RGS6: variants seen among roughly 807,000 people sequenced by gnomAD.
RGS6 encodes regulator of G-protein signaling 6.
A neutral mutation model predicts 78.5 loss-of-function variants in RGS6; 30 were observed. That is an observed-to-expected ratio of 0.38 (90% CI 0.29 to 0.52). RGS6 has a LOEUF of 0.52. RGS6 is among the 20% of genes least tolerant of loss of function. The pLI is 0.85. For synonymous variants in RGS6, 206 were observed against 206.0 expected (o/e 1.00, Z 0.00); for missense variants, 495 against 609.7 (o/e 0.81, Z 1.98).
chr14:72,021,374 A>G (rs17105827), intron 2 of RGS6, among the ~76,000 whole-genome samples: 4,477 of 151,606 alleles, frequency 0.03, 92 homozygotes, highest in Middle Eastern at 0.059. Context: ...GTAAGCCATC[A>G]TTTGAGTGCT....
intron 3 of RGS6, among the ~76,000 whole-genome samples, chr14:72,411,903 C>T (rs2093441902): frequency 6.6e-6 from 1 of 152,142 alleles, no homozygotes; most frequent in Non-Finnish European, 1.5e-5. Flanking sequence ...AGCCTTGCCT[C>T]CCAGGGATGA....
intron 2 of RGS6, among the ~76,000 whole-genome samples, chr14:72,223,339 C>T (rs2047336489): frequency 6.6e-6 from 1 of 152,216 alleles, no homozygotes; most frequent in South Asian, 2.1e-4. Context: ...GGCGACGTAG[C>T]ATTGAGGTTC....
rs138094592 is a variant in RGS6 at position 72,433,552 on chromosome 14, A to G, written c.185-20976A>G. On this transcript the variant is annotated intron_variant, in intron 3 of 17. Transcript: ENST00000553525. ...CCAGAAAGTCAAGAAAAGCCTAACT[A>G]AAAAAGTCTTTTTAGGCAAGAGAGC... Among the ~76,000 whole-genome samples, 623 of 152,264 alleles carry G rather than the reference A, an allele frequency of 4.1e-3. 3 individuals carry two copies. Among genetic ancestry groups the G allele is most frequent in the African/African-American group, 0.014 (590 of 41,546 alleles).
At chr14:72,166,018 A>G (rs1276623908) in intron 2 of RGS6, among the ~76,000 whole-genome samples, 1 of 150,480 alleles carries the variant, frequency 6.6e-6, no homozygotes, top group Non-Finnish European at 1.5e-5. Context: ...AATTGATAAT[A>G]TGTATCTGAA....
chr14:72,237,263 C>G (rs1276212998), intron 2 of RGS6, among the ~76,000 whole-genome samples: 1 of 152,152 alleles, frequency 6.6e-6, no homozygotes, highest in Non-Finnish European at 1.5e-5. Context: ...CGATGGTCAC[C>G]TGCGCTGTTT....
At chr14:72,141,309 T>A (rs1186254746) in intron 2 of RGS6, among the ~76,000 whole-genome samples, 2 of 152,146 alleles carry the variant, frequency 1.3e-5, no homozygotes, top group Non-Finnish European at 2.9e-5. Flanking sequence ...AGAACTCCAA[T>A]CTTCATGCAG....
chr14:72,132,928 C>T (rs964962950), intron 2 of RGS6, among the ~76,000 whole-genome samples: 2 of 152,004 alleles, frequency 1.3e-5, no homozygotes, highest in African/African-American at 2.4e-5. Context: ...CATTTGGCAT[C>T]AGACTAAAGG....
intron 2 of RGS6, among the ~76,000 whole-genome samples, chr14:71,994,191 G>T (rs1318556196): frequency 6.6e-6 from 1 of 151,730 alleles, no homozygotes; most frequent in African/African-American, 2.4e-5. Context: ...GTCTACTTGG[G>T]GTGTCTTTGA....
At chr14:72,603,985 A>C in the RGS6 span, among the ~76,000 whole-genome samples, 1 of 152,196 alleles carries the variant, frequency 6.6e-6, no homozygotes, top group Non-Finnish European at 1.5e-5. Flanking sequence ...AGAGGATGGG[A>C]GAGAGAGTAA....
intron 2 of RGS6, among the ~76,000 whole-genome samples, chr14:72,313,946 A>G (rs2069334573): frequency 6.6e-6 from 1 of 152,204 alleles, no homozygotes; most frequent in African/African-American, 2.4e-5. Context: ...ACTTTCACTA[A>G]ATCAACCAAC....
At chr14:72,313,207 C>G (rs1033336107) in intron 2 of RGS6, among the ~76,000 whole-genome samples, 1 of 152,210 alleles carries the variant, frequency 6.6e-6, no homozygotes, top group African/African-American at 2.4e-5. Flanking sequence ...ATGCTACAGT[C>G]AGGAGATGCT....
intron 3 of RGS6, among the ~76,000 whole-genome samples, chr14:72,417,212 A>G (rs2093879023): frequency 6.6e-6 from 1 of 152,234 alleles, no homozygotes. Flanking sequence ...CTATGAAAAA[A>G]TGAGAAAGAT....
At chr14:72,367,876 AT>A (rs1177335479) in intron 3 of RGS6, among the ~76,000 whole-genome samples, 1 of 152,204 alleles carries the variant, frequency 6.6e-6, no homozygotes. Flanking sequence ...ATAGGTTTGG[AT>A]TAAATGATAT....
chr14:72,266,104 C>T (rs2059027669), intron 2 of RGS6, among the ~76,000 whole-genome samples: 1 of 152,184 alleles, frequency 6.6e-6, no homozygotes, highest in Admixed American at 6.5e-5. Context: ...CAGCCGGACT[C>T]AGCTGGGAAA....
chr14:72,597,350 G>A, the RGS6 span, among the ~76,000 whole-genome samples: 64,215 of 152,148 alleles, frequency 0.42, 14,634 homozygotes, highest in East Asian at 0.75. Flanking sequence ...CATCTGGCTC[G>A]TTGTAAAGGC....
rs544868566 is a variant in RGS6, at chr14:72,564,582, C to G, written c.*2115C>G. The G allele has an allele frequency of 2.6e-5, 4 of 152,402 alleles. No individual in the cohort carries two copies. The East Asian group carries it at 7.7e-4, about 29-fold the overall frequency. The allele number at this position is 152,402 out of a possible 1,614,324, so 9.4% of individuals were successfully genotyped here. On this transcript the variant is annotated 3_prime_UTR_variant, in exon 18 of 18. Transcript: ENST00000553525. ...AAAGGGTGTTCCCAAGCAGCAGGCA[C>G]CTCAGTGCCCTCAGTTATCCAGGGC...
rs143720961 is a variant in RGS6 at position 72,282,225 on chromosome 14, C to T, written c.85-69870C>T. Among the ~76,000 whole-genome samples the T allele has an allele frequency of 2.2e-3, 337 of 152,210 alleles. 4 individuals are homozygous for T. The highest frequency in any genetic ancestry group is 0.013 in the Admixed American group (194 of 15,288). ...TGGATGTGATGGCTGTTTGGTCCTG[C>T]GAGTCACTTTTCTCTATCAAATATA... On this transcript the variant is annotated intron_variant, in intron 2 of 17. Coordinates refer to ENST00000553525, the MANE Select transcript of RGS6 (RefSeq NM_001204424.2).
At chr14:72,303,406 CAGG>C (rs1258296045) in intron 2 of RGS6, among the ~76,000 whole-genome samples, 1 of 152,158 alleles carries the variant, frequency 6.6e-6, no homozygotes, top group Non-Finnish European at 1.5e-5. Flanking sequence ...GAGGCTGAGG[CAGG>C]AGAATTGCTT....
chr14:72,047,898 GT>G (rs869098348), intron 2 of RGS6, among the ~76,000 whole-genome samples: 23 of 29,666 alleles, frequency 7.8e-4, no homozygotes, highest in South Asian at 5.8e-3. Flanking sequence ...GCTAATTTTT[GT>G]TTTTTTTTTT....
Sources: allele counts gnomAD v4.1 joint callset (sites outside exome capture counted in the v4.1 genomes callset), GRCh38; gene constraint gnomAD v4.1.1; transcripts MANE v1.5; gene names NCBI Gene and HGNC (gene_info 2026-07-23, HGNC 2026-07-21).